Variants in TTYH2 observed in about 807,000 individuals in gnomAD.
TTYH2 encodes the protein tweety family member 2, also known as protein tweety homolog 2.
A neutral mutation model predicts 68.3 loss-of-function variants in TTYH2; 49 were observed. That is an observed-to-expected ratio of 0.72 (90% CI 0.57 to 0.91). TTYH2 has a LOEUF of 0.91. TTYH2 is among the 40% of genes least tolerant of loss of function. TTYH2 has a pLI of 0.00. For missense variants in TTYH2, 631 were observed against 700.4 expected, an observed-to-expected ratio of 0.90 and a Z score of 1.12; for synonymous variants, 272 against 300.8, an observed-to-expected ratio of 0.90 and a Z score of 0.99.
rs2050212747 is a variant in TTYH2 at position 74,215,383 on chromosome 17, A to G, written c.129+1667A>G. Among the ~76,000 whole-genome samples the G allele has an allele frequency of 6.6e-6, 1 of 152,092 alleles. No individual in the cohort carries two copies. The highest frequency in any genetic ancestry group is 1.5e-5 in the Non-Finnish European group (1 of 67,988). ...CCCAGAGACAGTTCCTATCAGCCCAACAGCTGTGGCTGGTGGATCCTGGGC... is the reference window on the plus strand; with the variant it reads ...CCCAGAGACAGTTCCTATCAGCCCAGCAGCTGTGGCTGGTGGATCCTGGGC... On this transcript the variant is annotated intron_variant, in intron 1 of 13. Coordinates refer to ENST00000269346, the MANE Select transcript of TTYH2 (RefSeq NM_032646.6). The surrounding 1 kb of genome is among the most constrained non-coding windows in gnomAD (Gnocchi z 4.3).
intron 9 of TTYH2, 57 bp from the exon 10 acceptor site, chr17:74,250,208 T>C (rs2050606403): frequency 1.9e-6 from 3 of 1,546,544 alleles, no homozygotes; most frequent in Admixed American, 1.8e-5. Flanking sequence ...GTGGTGGTTT[T>C]CTCCGCCAGC....
chr17:74,226,750 C>T (rs1273523293), intron 2 of TTYH2, among the ~76,000 whole-genome samples: 3 of 152,012 alleles, frequency 2.0e-5, no homozygotes, highest in Non-Finnish European at 4.4e-5. Context: ...TCTTTGTTCT[C>T]CTCTATTATG....
rs1249316164 is a variant in TTYH2, at chr17:74,261,756, G to A, written c.*1547G>A. On this transcript the variant is annotated 3_prime_UTR_variant, in exon 14 of 14. Coordinates refer to ENST00000269346, the MANE Select transcript of TTYH2 (RefSeq NM_032646.6). ...AACAGAATGGGGCCACAGGGCAGCCGGGACTCCCTGTCTCACCTACATTAA... is the reference window on the plus strand; with the variant it reads ...AACAGAATGGGGCCACAGGGCAGCCAGGACTCCCTGTCTCACCTACATTAA... The A allele has an allele frequency of 2.6e-5, 4 of 152,382 alleles. No individual in the cohort carries two copies. Among genetic ancestry groups the A allele is most frequent in the East Asian group, 1.9e-4 (1 of 5,180 alleles). The allele number at this position is 152,382 out of a possible 1,614,324, so 9.4% of individuals were successfully genotyped here. A position where few individuals can be genotyped will look rare whatever the true frequency, so the allele number is the denominator to read the frequency against.
chr17:74,220,790 C>CTT (rs370305887), intron 1 of TTYH2, among the ~76,000 whole-genome samples: 2 of 145,864 alleles, frequency 1.4e-5, no homozygotes, highest in Non-Finnish European at 1.5e-5. Context: ...CCAGCTGCCA[C>CTT]TTTTTTTTTT....
At position 74,253,807 on chromosome 17, in the gene TTYH2, A is replaced by G. The variant is rs1348601443; in HGVS notation, c.1498A>G (p.Ile500Val). The G allele has an allele frequency of 3.7e-6, 6 of 1,614,066 alleles. No individual in the cohort carries two copies. The Admixed American group carries it at 8.3e-5, about 22-fold the overall frequency. Residue 500 changes from isoleucine (I) to valine (V), a missense_variant, in exon 13 of 14, where the codon ATC becomes GTC. Ile to Val is a conservative substitution (Grantham distance 29). Transcript: ENST00000269346. ...RNPRYENVPL[I>V]GRASPPPTYS... Reference sequence around the variant, plus strand: ...CCCACGCTACGAGAACGTGCCACTAATCGGGAGAGCCTCCCCTCCGCCTAC... The same window carrying G: ...CCCACGCTACGAGAACGTGCCACTAGTCGGGAGAGCCTCCCCTCCGCCTAC...
chr17:74,248,933 G>C (rs1297044167), intron 6 of TTYH2, 78 bp from the exon 7 acceptor site: 4 of 1,602,356 alleles, frequency 2.5e-6, no homozygotes, highest in East Asian at 4.5e-5. Context: ...CTGGGGTGAT[G>C]GGCTCCCGGC....
chr17:74,245,799 A>G (rs1360696750), intron 6 of TTYH2, among the ~76,000 whole-genome samples: 1 of 151,936 alleles, frequency 6.6e-6, no homozygotes, highest in Admixed American at 6.5e-5. Flanking sequence ...TGTTGTGGAG[A>G]GCTTTTGTGT....
At chr17:74,243,049 T>C (rs1339161461) in intron 4 of TTYH2, among the ~76,000 whole-genome samples, 1 of 152,226 alleles carries the variant, frequency 6.6e-6, no homozygotes, top group African/African-American at 2.4e-5. Context: ...GGTAGCCACC[T>C]GTGGGTAGTG....
At position 74,215,843 on chromosome 17, in the gene TTYH2, T is replaced by C; in HGVS notation, c.129+2127T>C. On this transcript the variant is annotated intron_variant, in intron 1 of 13. Transcript: ENST00000269346. The surrounding 1 kb of genome is among the most constrained non-coding windows in gnomAD (Gnocchi z 4.3). ...GCAAGCTTGACTGGAGCAAGTGCTATGCCAGGCGTGGGGTGACCGTGGTAA... is the reference window on the plus strand; with the variant it reads ...GCAAGCTTGACTGGAGCAAGTGCTACGCCAGGCGTGGGGTGACCGTGGTAA... 1 of 904,970 alleles carries C rather than the reference T, an allele frequency of 1.1e-6. No individual in the cohort carries two copies. Among genetic ancestry groups the C allele is most frequent in the Non-Finnish European group, 1.7e-6 (1 of 587,764 alleles). The allele number at this position is 904,970 out of a possible 1,614,324, so 56.1% of individuals were successfully genotyped here. A position where few individuals can be genotyped will look rare whatever the true frequency, so the allele number is the denominator to read the frequency against.
chr17:74,220,664 G>C (rs7224270), intron 1 of TTYH2, among the ~76,000 whole-genome samples: 8 of 152,174 alleles, frequency 5.3e-5, no homozygotes, highest in Non-Finnish European at 1.2e-4. Flanking sequence ...GGTCAGTCCC[G>C]GGGACAGGCC....
chr17:74,219,945 T>C (rs2143715207), intron 1 of TTYH2, among the ~76,000 whole-genome samples: 1 of 152,074 alleles, frequency 6.6e-6, no homozygotes. Context: ...GGCATGCATG[T>C]TACACAATGA....
chr17:74,231,602 G>A (rs2143738447), intron 3 of TTYH2, among the ~76,000 whole-genome samples: 1 of 152,100 alleles, frequency 6.6e-6, no homozygotes, highest in South Asian at 2.1e-4. Context: ...ACTTGAGCCT[G>A]GGAAGCGGAG....
intron 1 of TTYH2, among the ~76,000 whole-genome samples, chr17:74,219,320 C>A (rs989477467): frequency 6.8e-6 from 1 of 146,760 alleles, no homozygotes; most frequent in Non-Finnish European, 1.5e-5. Flanking sequence ...ACCTGGGAGG[C>A]GGAGGTTGCA....
intron 6 of TTYH2, among the ~76,000 whole-genome samples, chr17:74,245,365 C>T (rs1012117493): frequency 1.3e-5 from 2 of 152,268 alleles, no homozygotes; most frequent in African/African-American, 2.4e-5. Flanking sequence ...CCTCCAGCCT[C>T]TCCTCTGGGG....
chr17:74,241,262 CGTGTGT>C lies in TTYH2; in HGVS notation c.636-2082_636-2077del, dbSNP rs199960092. Among the ~76,000 whole-genome samples, 3,606 of 144,680 alleles carry C rather than the reference CGTGTGT, an allele frequency of 0.025. 81 individuals are homozygous for C. The highest frequency in any genetic ancestry group is 0.06 in the African/African-American group (2,355 of 38,966). 94.9% of individuals were successfully genotyped at this position (144,680 alleles called of 152,430 possible). A position where few individuals can be genotyped will look rare whatever the true frequency, so the allele number is the denominator to read the frequency against. On this transcript the variant is annotated intron_variant, in intron 4 of 13. Coordinates refer to ENST00000269346, the MANE Select transcript of TTYH2 (RefSeq NM_032646.6). The surrounding 1 kb of genome is among the most constrained non-coding windows in gnomAD (Gnocchi z 4.1). ...ATAGACAGACCCGGTATTTATAATA[CGTGTGT>C]GTGTGTGTGTGTGTGTGTGTGTGTG...
chr17:74,260,223 G>T lies in TTYH2; in HGVS notation c.*14G>T. On this transcript the variant is annotated 3_prime_UTR_variant, in exon 14 of 14. Transcript: ENST00000269346. Reference sequence around the variant, plus strand: ...TTTCCAGCCTAACAGACTTTCGGGGGTTCCTGCCTCCTTTTTCCGTTCTGG... The same window carrying T: ...TTTCCAGCCTAACAGACTTTCGGGGTTTCCTGCCTCCTTTTTCCGTTCTGG... 1 of 1,613,212 alleles carries T rather than the reference G, an allele frequency of 6.2e-7. No individual in the cohort carries two copies. Among genetic ancestry groups the T allele is most frequent in the Non-Finnish European group, 8.5e-7 (1 of 1,179,354 alleles).
chr17:74,248,471 G>C (rs1197217948), intron 6 of TTYH2: 1 of 987,744 alleles, frequency 1.0e-6, no homozygotes, highest in Non-Finnish European at 1.2e-6. Flanking sequence ...GTGAGCACCT[G>C]CACCCAAGGC....
At chr17:74,226,711 A>G (rs1272536729) in intron 2 of TTYH2, among the ~76,000 whole-genome samples, 3 of 152,142 alleles carry the variant, frequency 2.0e-5, no homozygotes, top group Non-Finnish European at 4.4e-5. Context: ...GGGGTTCCTG[A>G]AAAAGCAAAA....
rs141318836 is a variant in TTYH2 at position 74,253,093 on chromosome 17, C to G, written c.1272C>G (p.Tyr424Ter). The change falls in exon 12 of 14, where the codon TAC (tyrosine) becomes TAG (stop). Residue 424 changes from tyrosine to a stop codon, truncating the protein, a stop_gained. Transcript: ENST00000269346. LOFTEE classifies it high-confidence loss of function. ...WKHFTTRNRD[Y>*]DDIDDDDPFN... The stretch of plus-strand genomic sequence containing the variant: ...CCCATTGTTCTAGAAACAGAGACTA[C>G]GATGACATTGATGATGATGACCCCT... 1 of 1,613,626 alleles carries G rather than the reference C, an allele frequency of 6.2e-7. No homozygotes were observed. The highest frequency in any genetic ancestry group is 2.2e-5 in the East Asian group (1 of 44,860).
Sources: gnomAD v4.1 joint callset for allele counts (sites outside exome capture counted in the v4.1 genomes callset) on GRCh38, gnomAD v4.1.1 for gene constraint, Gnocchi (gnomAD v3.1) non-coding constraint, MANE v1.5 for transcripts, NCBI Gene and HGNC (gene_info 2026-07-23, HGNC 2026-07-21) for gene names.